Variants in PRKCH observed in about 807,000 individuals in gnomAD.
PRKCH encodes the protein protein kinase C eta.
PRKCH carries 28 observed loss-of-function variants against 82.5 expected under a neutral mutation model. That is an observed-to-expected ratio of 0.34 (90% confidence interval 0.25 to 0.47). The LOEUF is 0.47. Among genes scored for constraint, PRKCH ranks in the 20% least tolerant of loss-of-function variants. PRKCH has a pLI of 1.00. For synonymous variants in PRKCH, 322 were observed against 327.4 expected, an observed-to-expected ratio of 0.98 and a Z score of 0.18; for missense variants, 705 against 881.8, an observed-to-expected ratio of 0.80 and a Z score of 2.54.
intron 1 of PRKCH, among the ~76,000 whole-genome samples, chr14:61,289,629 T>A (rs573999701): frequency 2.0e-5 from 3 of 152,224 alleles, no homozygotes; most frequent in African/African-American, 7.2e-5. Context: ...ATCACTTGGG[T>A]CCAGGAGGTG....
intron 12 of PRKCH, among the ~76,000 whole-genome samples, chr14:61,540,962 T>C (rs1387683137): frequency 6.6e-6 from 1 of 152,256 alleles, no homozygotes; most frequent in Non-Finnish European, 1.5e-5. Flanking sequence ...GTCTGTCCTT[T>C]CCACCCTACC....
At chr14:61,509,520 A>T (rs1305724863) in intron 10 of PRKCH, among the ~76,000 whole-genome samples, 1 of 152,132 alleles carries the variant, frequency 6.6e-6, no homozygotes, top group African/African-American at 2.4e-5. Flanking sequence ...TAAATTGACG[A>T]TGTAAGATAT....
chr14:61,260,765 A>G (rs1447085862), intron 1 of PRKCH, among the ~76,000 whole-genome samples: 3 of 152,238 alleles, frequency 2.0e-5, no homozygotes, highest in Non-Finnish European at 4.4e-5. Flanking sequence ...AAAACCACAA[A>G]TCCTTTAATC....
chr14:61,457,515 G>A lies in PRKCH; in HGVS notation c.1114G>A (p.Ala372Thr). Residue 372 changes from alanine to threonine, a missense_variant, in exon 9 of 14, where the codon GCA (alanine) becomes ACA (threonine). This residue lies in a region of PRKCH where 238 missense variants were observed against 258.1 expected (regional missense o/e 0.92). Transcript: ENST00000332981. The stretch of plus-strand genomic sequence containing the variant: ...TTTTGCTTTGCCATAGGTGATGCTT[G>A]CAAGAGTAAAAGAAACAGGAGACCT... The part of the protein sequence containing the change: ...GKGSFGKVML[A>T]RVKETGDLYA... 1.2e-6 allele frequency: 2 copies of A among 1,614,060 alleles called. No homozygotes were observed. Among genetic ancestry groups the A allele is most frequent in the Admixed American group, 3.3e-5 (2 of 60,026 alleles).
intron 10 of PRKCH, among the ~76,000 whole-genome samples, chr14:61,493,243 G>A (rs747593107): frequency 1.3e-5 from 2 of 152,200 alleles, no homozygotes; most frequent in African/African-American, 2.4e-5. Context: ...GTCCAGCCCC[G>A]CCATGGAAGC....
chr14:61,263,106 G>T (rs929046793), intron 1 of PRKCH, among the ~76,000 whole-genome samples: 1 of 152,016 alleles, frequency 6.6e-6, no homozygotes, highest in East Asian at 1.9e-4. Flanking sequence ...CGAGCCTGCC[G>T]CTCCATCACA....
intron 10 of PRKCH, among the ~76,000 whole-genome samples, chr14:61,495,932 C>A (rs1027331701): frequency 6.6e-6 from 1 of 152,132 alleles, no homozygotes; most frequent in Non-Finnish European, 1.5e-5. Flanking sequence ...CTGTTTGACA[C>A]AGAGATTTTT....
chr14:61,484,764 C>CTTTTTTT lies in PRKCH; in HGVS notation c.1279-725_1279-719dup, dbSNP rs375542490. Among the ~76,000 whole-genome samples, 1,089 of 121,094 alleles carry CTTTTTTT rather than the reference C, an allele frequency of 9.0e-3. 20 individuals carry two copies. Among genetic ancestry groups the CTTTTTTT allele is most frequent in the African/African-American group, 0.03 (925 of 30,796 alleles). The allele number at this position is 121,094 out of a possible 152,430, so 79.4% of individuals were successfully genotyped here. On this transcript the variant is annotated intron_variant, in intron 9 of 13. Coordinates refer to ENST00000332981, the MANE Select transcript of PRKCH (RefSeq NM_006255.5). ...TACTGTGAGGCTGTCATTTGGCTTC[C>CTTTTTTT]TTTTTTTTTTTTTTTTTTTGGAAGA...
intron 1 of PRKCH, among the ~76,000 whole-genome samples, chr14:61,343,566 T>C (rs2045955984): frequency 6.6e-6 from 1 of 152,170 alleles, no homozygotes; most frequent in Admixed American, 6.5e-5. Context: ...AGATTTTTTT[T>C]TATGTAGCAC....
chr14:61,509,569 C>G (rs767858318), intron 10 of PRKCH, among the ~76,000 whole-genome samples: 1 of 152,110 alleles, frequency 6.6e-6, no homozygotes, highest in African/African-American at 2.4e-5. Flanking sequence ...AAACAGAATA[C>G]AGTGGGTGCT....
At chr14:61,260,127 A>G (rs2045033776) in intron 1 of PRKCH, among the ~76,000 whole-genome samples, 1 of 152,258 alleles carries the variant, frequency 6.6e-6, no homozygotes, top group African/African-American at 2.4e-5. Context: ...TTACATGTCT[A>G]AATAATATAA....
chr14:61,514,011 C>G lies in PRKCH; in HGVS notation c.1434-15064C>G, dbSNP rs75761679. On this transcript the variant is annotated intron_variant, in intron 10 of 13. Coordinates refer to ENST00000332981, the MANE Select transcript of PRKCH (RefSeq NM_006255.5). ...CCCTGCTTTCTAACTCGAGACAGTTCTTCTTCTTGTCCTTTGACTAACTCA... is the reference window on the plus strand; with the variant it reads ...CCCTGCTTTCTAACTCGAGACAGTTGTTCTTCTTGTCCTTTGACTAACTCA... Among the ~76,000 whole-genome samples, 1,175 of 152,194 alleles carry G rather than the reference C, an allele frequency of 7.7e-3. 21 individuals carry two copies. The highest frequency in any genetic ancestry group is 0.027 in the African/African-American group (1,116 of 41,478).
intron 1 of PRKCH, 41 bp from the exon 2 acceptor site, chr14:61,391,184 T>A: frequency 6.5e-7 from 1 of 1,547,994 alleles, no homozygotes. Flanking sequence ...AAAAATATTT[T>A]AAAACTAACA....
chr14:61,262,773 C>A lies in PRKCH; in HGVS notation c.-19+75105C>A, dbSNP rs536552913. Among the ~76,000 whole-genome samples the A allele has an allele frequency of 4.0e-4, 61 of 151,634 alleles. 1 individual carries two copies. Among genetic ancestry groups the A allele is most frequent in the African/African-American group, 1.4e-3 (56 of 41,302 alleles). On this transcript the variant is annotated intron_variant, in intron 1 of 3. Transcript: ENST00000555185. The stretch of plus-strand genomic sequence containing the variant: ...CAACAGAAAAAAAAAATGAGGAAAT[C>A]AAAAAATAGGGAAAATGGGGGGAAG...
intron 1 of PRKCH, chr14:61,327,273 G>A (rs2045710038): frequency 6.0e-6 from 2 of 333,668 alleles, no homozygotes; most frequent in African/African-American, 4.3e-5. Flanking sequence ...CCTGGATCCA[G>A]GTGTCTGAAT....
At chr14:61,504,834 G>T (rs913990592) in intron 10 of PRKCH, among the ~76,000 whole-genome samples, 1 of 152,078 alleles carries the variant, frequency 6.6e-6, no homozygotes, top group Non-Finnish European at 1.5e-5. Context: ...TTTACATGAG[G>T]TATAAATTTG....
chr14:61,293,799 G>A (rs2045383715), intron 1 of PRKCH, among the ~76,000 whole-genome samples: 1 of 152,068 alleles, frequency 6.6e-6, no homozygotes, highest in Admixed American at 6.6e-5. Flanking sequence ...CAGCACCTGT[G>A]GTCTGAACTT....
intron 1 of PRKCH, among the ~76,000 whole-genome samples, chr14:61,266,052 C>T (rs180999685): frequency 4.9e-5 from 7 of 143,450 alleles, no homozygotes; most frequent in Admixed American, 4.2e-4. Context: ...CTGAGATCAC[C>T]CCCAAGAATG....
chr14:61,408,934 A>G (rs1054521858), intron 2 of PRKCH, among the ~76,000 whole-genome samples: 3 of 152,204 alleles, frequency 2.0e-5, no homozygotes, highest in Non-Finnish European at 4.4e-5. Context: ...AGCTGTGGGT[A>G]TGAGAATTTC....
Sources: gnomAD v4.1 joint callset for allele counts (sites outside exome capture counted in the v4.1 genomes callset) on GRCh38, gnomAD v4.1.1 for gene constraint, gnomAD v4.1.1 regional missense constraint, MANE v1.5 for transcripts, NCBI Gene and HGNC (gene_info 2026-07-23, HGNC 2026-07-21) for gene names.